The following GAS2 variants were observed in gnomAD, a reference collection of about 807,000 sequenced individuals.
The protein encoded by GAS2 is growth arrest-specific protein 2.
In GAS2, 20 loss-of-function variants were observed where a neutral mutation model predicts 37.5. The observed-to-expected ratio is 0.53, with a 90% CI of 0.37 to 0.77. The LOEUF is 0.77. Among genes scored for constraint, GAS2 ranks in the 30% least tolerant of loss-of-function variants. The pLI is 0.00. For synonymous variants in GAS2, 144 were observed against 132.2 expected, an observed-to-expected ratio of 1.09 and a Z score of -0.61; for missense variants, 336 against 373.4, an observed-to-expected ratio of 0.90 and a Z score of 0.82.
intron 7 of GAS2, among the ~76,000 whole-genome samples, chr11:22,774,768 C>T (rs1352944686): frequency 3.3e-5 from 5 of 150,760 alleles, no homozygotes; most frequent in African/African-American, 1.2e-4. Flanking sequence ...GTTTACCTAT[C>T]GTGATTTTTT....
intron 1 of GAS2, among the ~76,000 whole-genome samples, chr11:22,640,362 T>C (rs369293263): frequency 1.0e-3 from 153 of 152,352 alleles, no homozygotes; most frequent in African/African-American, 3.5e-3. Flanking sequence ...TGTTTGAATT[T>C]AAAATTTATT....
In GAS2 at chr11:22,707,514, A is replaced by C. The variant is rs534843811; in HGVS notation, c.268-18778A>C. On this transcript the variant is annotated intron_variant, in intron 3 of 7. Coordinates refer to ENST00000454584, the MANE Select transcript of GAS2 (RefSeq NM_001143830.3). ...AGCTGATCTAGACATACCATTGTTTAGACAGACCTCTGCTGATATACTTAG... is the reference window on the plus strand; with the variant it reads ...AGCTGATCTAGACATACCATTGTTTCGACAGACCTCTGCTGATATACTTAG... Among the ~76,000 whole-genome samples, 16 of 152,292 alleles carry C rather than the reference A, an allele frequency of 1.1e-4. No homozygotes were observed. In the South Asian group the frequency reaches 1.5e-3, roughly 14 times the overall value.
chr11:22,752,868 G>A (rs1853821781), intron 6 of GAS2, among the ~76,000 whole-genome samples: 1 of 152,034 alleles, frequency 6.6e-6, no homozygotes, highest in African/African-American at 2.4e-5. Flanking sequence ...GACCCTTTAT[G>A]TGGAAAATAC....
chr11:22,806,193 G>A (rs755214323), intron 7 of GAS2, among the ~76,000 whole-genome samples: 23 of 152,014 alleles, frequency 1.5e-4, no homozygotes, highest in Non-Finnish European at 2.6e-4. Flanking sequence ...AAAATCATAT[G>A]GTATTTTTAT....
At chr11:22,784,037 G>C (rs1016860084) in intron 7 of GAS2, among the ~76,000 whole-genome samples, 4 of 152,110 alleles carry the variant, frequency 2.6e-5, no homozygotes, top group African/African-American at 9.7e-5. Flanking sequence ...TGCTGTTTTG[G>C]TTACTGTAGC....
upstream of GAS2, among the ~76,000 whole-genome samples, chr11:22,665,504 CTGTT>C (rs1412958360): frequency 6.6e-6 from 1 of 152,096 alleles, no homozygotes; most frequent in Non-Finnish European, 1.5e-5. Context: ...TTTATCCAAG[CTGTT>C]ATGTTGACCT....
chr11:22,630,638 T>G (rs1160599663), intron 1 of GAS2, among the ~76,000 whole-genome samples: 1 of 152,200 alleles, frequency 6.6e-6, no homozygotes, highest in Non-Finnish European at 1.5e-5. Context: ...TGTTTTTGTA[T>G]GCTTTGTCAA....
chr11:22,659,808 G>A (rs1267104971), intron 1 of GAS2, among the ~76,000 whole-genome samples: 1 of 139,404 alleles, frequency 7.2e-6, no homozygotes, highest in African/African-American at 2.7e-5. Flanking sequence ...TCCTTATAAA[G>A]AAAGAAAAAA....
rs537402037 is a variant in GAS2, at chr11:22,703,342, A to G, written c.267+17553A>G. Among the ~76,000 whole-genome samples, 24 of 152,300 alleles carry G rather than the reference A, an allele frequency of 1.6e-4. No individual in the cohort carries two copies. The South Asian group carries it at 3.7e-3, about 24-fold the overall frequency. On this transcript the variant is annotated intron_variant, in intron 3 of 7. Coordinates refer to ENST00000454584, the MANE Select transcript of GAS2 (RefSeq NM_001143830.3). The stretch of plus-strand genomic sequence containing the variant: ...TATTTGATAGCACTAATTGCGGTCA[A>G]TGCTTTCAAAGCACTGTGGATGTAG...
At chr11:22,795,851 A>T (rs569671038) in intron 7 of GAS2, among the ~76,000 whole-genome samples, 1 of 152,262 alleles carries the variant, frequency 6.6e-6, no homozygotes, top group East Asian at 1.9e-4. Context: ...TCAAAGACCA[A>T]TTTGAAAACT....
chr11:22,792,528 G>A (rs556133719), intron 7 of GAS2, among the ~76,000 whole-genome samples: 1 of 152,198 alleles, frequency 6.6e-6, no homozygotes, highest in East Asian at 1.9e-4. Flanking sequence ...AATTTCTAGA[G>A]GCAAAAGTAA....
chr11:22,633,792 G>A (rs957414100), intron 1 of GAS2, among the ~76,000 whole-genome samples: 3 of 152,170 alleles, frequency 2.0e-5, no homozygotes, highest in Non-Finnish European at 2.9e-5. Flanking sequence ...CTATTCAGAT[G>A]AGACAGGCAT....
intron 1 of GAS2, among the ~76,000 whole-genome samples, chr11:22,654,775 T>C (rs1848836982): frequency 6.6e-6 from 1 of 152,188 alleles, no homozygotes; most frequent in Admixed American, 6.5e-5. Flanking sequence ...TAAAAGTTAC[T>C]TATTATTTAT....
chr11:22,656,651 C>G (rs1848858738), intron 1 of GAS2, among the ~76,000 whole-genome samples: 1 of 152,140 alleles, frequency 6.6e-6, no homozygotes, highest in Non-Finnish European at 1.5e-5. Flanking sequence ...CATCCCCATA[C>G]TTTATTAATA....
chr11:22,647,749 C>T (rs1201473536), intron 1 of GAS2, among the ~76,000 whole-genome samples: 14 of 152,120 alleles, frequency 9.2e-5, no homozygotes, highest in East Asian at 1.9e-4. Context: ...TCATGTCCTT[C>T]GCCCACTTTT....
At chr11:22,630,024 A>C (rs1404250254) in intron 1 of GAS2, among the ~76,000 whole-genome samples, 1 of 152,140 alleles carries the variant, frequency 6.6e-6, no homozygotes, top group Non-Finnish European at 1.5e-5. Context: ...ATTCTTCTAC[A>C]TAGGGCTATC....
chr11:22,729,528 C>T lies in GAS2; in HGVS notation c.409+3095C>T, dbSNP rs568516214. The stretch of plus-strand genomic sequence containing the variant: ...CCTATTATTTATACTCTATGACATT[C>T]TTTAGAGATAATTTTTCCTCTGTAA... On this transcript the variant is annotated intron_variant, in intron 4 of 7. Coordinates refer to ENST00000454584, the MANE Select transcript of GAS2 (RefSeq NM_001143830.3). Among the ~76,000 whole-genome samples, 48 of 151,894 alleles carry T rather than the reference C, an allele frequency of 3.2e-4. 1 individual carries two copies. The Middle Eastern group carries it at 0.017, about 54-fold the overall frequency.
intron 3 of GAS2, among the ~76,000 whole-genome samples, chr11:22,699,339 G>A (rs1034676098): frequency 1.3e-5 from 2 of 152,096 alleles, no homozygotes; most frequent in Non-Finnish European, 2.9e-5. Flanking sequence ...TATGCATTCA[G>A]GGAAGAGAAA....
intron 7 of GAS2, among the ~76,000 whole-genome samples, chr11:22,790,416 C>G (rs11026794): frequency 0.023 from 3,482 of 152,264 alleles, 78 homozygotes; most frequent in East Asian, 0.092. Flanking sequence ...CTTTACATTT[C>G]TGTCCCTCTG....
Sources: allele counts gnomAD v4.1 joint callset (sites outside exome capture counted in the v4.1 genomes callset), GRCh38; gene constraint gnomAD v4.1.1; transcripts MANE v1.5; gene names NCBI Gene and HGNC (gene_info 2026-07-23, HGNC 2026-07-21).